Variants in TRAK2 observed in about 807,000 individuals in gnomAD.
TRAK2 encodes the protein trafficking kinesin-binding protein 2.
In TRAK2, 81 loss-of-function variants were observed where a neutral mutation model predicts 104.6. The observed-to-expected ratio is 0.77, with a 90% CI of 0.65 to 0.93. The LOEUF is 0.93. TRAK2 is among the 40% of genes least tolerant of loss of function. TRAK2 has a pLI of 0.00. For missense variants in TRAK2, 1,002 were observed against 1,089.0 expected (o/e 0.92, Z 1.12); for synonymous variants, 406 against 394.4 (o/e 1.03, Z -0.35).
intron 2 of TRAK2, chr2:201,411,448 T>C (rs1951646419): frequency 5.4e-6 from 4 of 744,178 alleles, no homozygotes; most frequent in Non-Finnish European, 1.0e-5. Flanking sequence ...GAAACATTCA[T>C]TTGATTTCCT....
At chr2:201,412,223 G>T in intron 2 of TRAK2, 1 of 950,264 alleles carries the variant, frequency 1.1e-6, no homozygotes, top group Non-Finnish European at 1.7e-6. Context: ...ACAATGACAT[G>T]CTTGGGCAGT....
chr2:201,408,934 T>C (rs1337910579), intron 2 of TRAK2, among the ~76,000 whole-genome samples: 1 of 152,206 alleles, frequency 6.6e-6, no homozygotes, highest in Non-Finnish European at 1.5e-5. Context: ...TCCTTTATCA[T>C]TTTTATTTTA....
At position 201,420,571 on chromosome 2, in the gene TRAK2, C is replaced by T; in HGVS notation, c.-64G>A. 7.7e-7 allele frequency: 1 copy of T among 1,306,420 alleles called. No homozygotes were observed. Among genetic ancestry groups the T allele is most frequent in the Non-Finnish European group, 1.1e-6 (1 of 906,980 alleles). 80.9% of individuals were successfully genotyped at this position (1,306,420 alleles called of 1,614,324 possible). A position where few individuals can be genotyped will look rare whatever the true frequency, so the allele number is the denominator to read the frequency against. On this transcript the variant is annotated 5_prime_UTR_variant, in exon 2 of 16. Coordinates refer to ENST00000332624, the MANE Select transcript of TRAK2 (RefSeq NM_015049.3). ...TGGTATGAATCAGAGTAAAGGAAAT[C>T]CATCAAGCCATTCAATAATGAAATG...
intron 4 of TRAK2, 51 bp downstream of exon 4, chr2:201,400,967 T>A: frequency 7.0e-7 from 1 of 1,436,562 alleles, no homozygotes; most frequent in Non-Finnish European, 9.8e-7. Flanking sequence ...AGATTCCAAA[T>A]GATCCTCAAG....
intron 10 of TRAK2, among the ~76,000 whole-genome samples, 166 bp downstream of exon 10, chr2:201,392,743 A>G (rs1428016008): frequency 6.6e-6 from 1 of 152,174 alleles, no homozygotes; most frequent in African/African-American, 2.4e-5. Flanking sequence ...GTATTAAGGA[A>G]GATGTCAATA....
At chr2:201,385,552 G>A (rs1264562468) in intron 14 of TRAK2, among the ~76,000 whole-genome samples, 1 of 152,040 alleles carries the variant, frequency 6.6e-6, no homozygotes, top group Non-Finnish European at 1.5e-5. Flanking sequence ...TGCTACAAAC[G>A]TTCAAGAAAC....
chr2:201,398,385 T>C, intron 5 of TRAK2, 31 bp from the exon 6 acceptor site: 1 of 1,583,128 alleles, frequency 6.3e-7, no homozygotes, highest in Non-Finnish European at 8.7e-7. Context: ...ATTTTCATGT[T>C]CTTTATTTTG....
chr2:201,431,444 T>C (rs956188294), intron 1 of TRAK2, among the ~76,000 whole-genome samples: 4 of 152,184 alleles, frequency 2.6e-5, no homozygotes, highest in African/African-American at 9.7e-5. Context: ...TTGTCTTTCC[T>C]AGCTTTTAGA....
intron 14 of TRAK2, among the ~76,000 whole-genome samples, 160 bp downstream of exon 14, chr2:201,386,058 G>T (rs561990065): frequency 6.6e-6 from 1 of 152,182 alleles, no homozygotes; most frequent in Admixed American, 6.5e-5. Context: ...AGATAAAGTG[G>T]AGAGAATTAG....
Position 201,377,530 on chromosome 2 carries a change from G to C in TRAK2, c.*3013C>G, listed in dbSNP as rs1299990625. 2 of 152,392 alleles carry C rather than the reference G, an allele frequency of 1.3e-5. No homozygotes were observed. The highest frequency in any genetic ancestry group is 4.8e-5 in the African/African-American group (2 of 41,444). The allele number at this position is 152,392 out of a possible 1,614,324, so 9.4% of individuals were successfully genotyped here. A position where few individuals can be genotyped will look rare whatever the true frequency, so the allele number is the denominator to read the frequency against. On this transcript the variant is annotated 3_prime_UTR_variant, in exon 16 of 16. Transcript: ENST00000332624. ...TTAGTAACCACCAAGTACTAATTCT[G>C]TACTAAAATGGTCAGAAAAGATAAC... is the stretch of plus-strand genomic sequence containing the variant.
At chr2:201,427,942 T>C (rs1231382969) in intron 1 of TRAK2, among the ~76,000 whole-genome samples, 2 of 152,380 alleles carry the variant, frequency 1.3e-5, no homozygotes, top group East Asian at 1.9e-4. Flanking sequence ...TTTTCATGTG[T>C]CTGTTGGCTG....
At chr2:201,411,485 C>G in intron 2 of TRAK2, 5 of 744,182 alleles carry the variant, frequency 6.7e-6, no homozygotes, top group South Asian at 1.3e-5. Flanking sequence ...GTTGTTCTTG[C>G]ATTATATGAA....
intron 1 of TRAK2, among the ~76,000 whole-genome samples, chr2:201,446,021 A>G (rs923230996): frequency 5.9e-5 from 9 of 152,356 alleles, no homozygotes; most frequent in African/African-American, 2.2e-4. Flanking sequence ...TAGTGAAAAC[A>G]GGACCTGTTA....
chr2:201,448,821 C>CCTTTGAT (rs1211447800), intron 1 of TRAK2, among the ~76,000 whole-genome samples: 2 of 152,146 alleles, frequency 1.3e-5, no homozygotes, highest in African/African-American at 4.8e-5. Context: ...CTCAAGGGAT[C>CCTTTGAT]CTTTGATCTC....
chr2:201,408,500 C>T (rs555174391), intron 2 of TRAK2, among the ~76,000 whole-genome samples: 404 of 152,032 alleles, frequency 2.7e-3, no homozygotes, highest in African/African-American at 9.0e-3. Context: ...TCACATATGC[C>T]CGTCTGTTGT....
chr2:201,424,969 A>G lies in TRAK2; in HGVS notation c.-199-4263T>C, dbSNP rs551161568. On this transcript the variant is annotated intron_variant, in intron 1 of 15. Transcript: ENST00000332624. Reference sequence around the variant, plus strand: ...ATTTTTATACTTTCAAATGGCTGGAAGGCAAAGAATAATATTATGTAACAT... The same window carrying G: ...ATTTTTATACTTTCAAATGGCTGGAGGGCAAAGAATAATATTATGTAACAT... Among the ~76,000 whole-genome samples, 40 of 152,318 alleles carry G rather than the reference A, an allele frequency of 2.6e-4. 1 individual carries two copies. The highest frequency in any genetic ancestry group is 8.7e-4 in the African/African-American group (36 of 41,564).
At chr2:201,398,394 T>C (rs1046082074) in intron 5 of TRAK2, 40 bp from the exon 6 acceptor site, 10 of 1,562,520 alleles carry the variant, frequency 6.4e-6, no homozygotes, top group Non-Finnish European at 6.2e-6. Flanking sequence ...TTCTTTATTT[T>C]GCATTATTTA....
At chr2:201,423,041 A>AC (rs1951756775) in intron 1 of TRAK2, among the ~76,000 whole-genome samples, 6 of 103,716 alleles carry the variant, frequency 5.8e-5, no homozygotes, top group African/African-American at 3.2e-4. Flanking sequence ...CCACCACCAC[A>AC]CACACACACA....
At chr2:201,428,427 T>A (rs1042456187) in intron 1 of TRAK2, among the ~76,000 whole-genome samples, 2 of 152,240 alleles carry the variant, frequency 1.3e-5, no homozygotes, top group Non-Finnish European at 2.9e-5. Flanking sequence ...AAATAGGGAA[T>A]CCTTTCCCCA....
Sources: allele counts gnomAD v4.1 joint callset (sites outside exome capture counted in the v4.1 genomes callset), GRCh38; gene constraint gnomAD v4.1.1; transcripts MANE v1.5; gene names NCBI Gene and HGNC (gene_info 2026-07-23, HGNC 2026-07-21).